The following SLC35D4 variants were observed in gnomAD, a reference collection of about 807,000 sequenced individuals.
SLC35D4 encodes the protein solute carrier family 35 member D4, also known as UDP-N-acetylglucosamine transporter SLC35D4.
the SLC35D4 span, among the ~76,000 whole-genome samples, chr18:23,313,001 C>A: frequency 6.6e-6 from 1 of 151,776 alleles, no homozygotes; most frequent in African/African-American, 2.4e-5. Context: ...ATGGCGGGCG[C>A]CTGCAGTCCC....
chr18:23,308,120 C>A, the SLC35D4 span, among the ~76,000 whole-genome samples: 1 of 152,228 alleles, frequency 6.6e-6, no homozygotes, highest in Non-Finnish European at 1.5e-5. Flanking sequence ...GCTAGCAGGG[C>A]TTGCACAGGA....
At chr18:23,399,776 T>G in the SLC35D4 span, 1 of 805,032 alleles carries the variant, frequency 1.2e-6, no homozygotes, top group South Asian at 1.6e-5. Context: ...CTGGCAGACT[T>G]GTTAAGTGAG....
At chr18:23,244,205 G>A in the SLC35D4 span, among the ~76,000 whole-genome samples, 1 of 151,968 alleles carries the variant, frequency 6.6e-6, no homozygotes, top group Non-Finnish European at 1.5e-5. Context: ...CAAGTGGATG[G>A]AGACACTACT....
the SLC35D4 span, among the ~76,000 whole-genome samples, chr18:23,393,628 A>AT: frequency 6.6e-6 from 1 of 151,642 alleles, no homozygotes; most frequent in Non-Finnish European, 1.5e-5. Flanking sequence ...TTTTATTTTT[A>AT]TTTTTTTGAG....
At chr18:23,244,958 G>A in the SLC35D4 span, among the ~76,000 whole-genome samples, 1 of 152,230 alleles carries the variant, frequency 6.6e-6, no homozygotes, top group Non-Finnish European at 1.5e-5. Flanking sequence ...AGCTTTATCC[G>A]CCCTAGAGCG....
At chr18:23,264,100 G>A in the SLC35D4 span, among the ~76,000 whole-genome samples, 2 of 152,220 alleles carry the variant, frequency 1.3e-5, no homozygotes, top group Non-Finnish European at 2.9e-5. Flanking sequence ...ATTGTTCCCT[G>A]CAACTCTGAA....
At chr18:23,282,081 G>A in the SLC35D4 span, among the ~76,000 whole-genome samples, 10 of 152,338 alleles carry the variant, frequency 6.6e-5, no homozygotes, top group African/African-American at 2.4e-4. Context: ...GCCCAGGTGA[G>A]TGGTGCCTGC....
chr18:23,368,488 G>A, the SLC35D4 span, among the ~76,000 whole-genome samples: 14 of 152,164 alleles, frequency 9.2e-5, no homozygotes, highest in Non-Finnish European at 1.6e-4. Flanking sequence ...GCCACGTCCC[G>A]GAGAAGGGAT....
chr18:23,373,223 G>A, the SLC35D4 span, among the ~76,000 whole-genome samples: 1 of 152,182 alleles, frequency 6.6e-6, no homozygotes, highest in South Asian at 2.1e-4. Flanking sequence ...GCTGAGGCAG[G>A]AGAATTGCTT....
At chr18:23,364,902 C>CAAAAAAAAAAAAAAAAAAAAAAAAAA in the SLC35D4 span, among the ~76,000 whole-genome samples, 1 of 31,874 alleles carries the variant, frequency 3.1e-5, no homozygotes, top group African/African-American at 1.8e-4. Context: ...GACTCTGTCT[C>CAAAAAAAAAAAAAAAAAAAAAAAAAA]AAAAAAAAAA....
the SLC35D4 span, among the ~76,000 whole-genome samples, chr18:23,323,487 A>G: frequency 6.6e-6 from 1 of 152,136 alleles, no homozygotes; most frequent in Non-Finnish European, 1.5e-5. Context: ...TGAGCCCTCT[A>G]CGTGACATCA....
chr18:23,327,767 A>G, the SLC35D4 span, among the ~76,000 whole-genome samples: 1 of 152,196 alleles, frequency 6.6e-6, no homozygotes, highest in Non-Finnish European at 1.5e-5. Flanking sequence ...AGAATTTTAG[A>G]CCAATATCCC....
At chr18:23,379,272 T>C in the SLC35D4 span, among the ~76,000 whole-genome samples, 1,322 of 152,164 alleles carry the variant, frequency 8.7e-3, 13 homozygotes, top group African/African-American at 0.031. Flanking sequence ...TACAGGTGTG[T>C]GCCACCATGC....
the SLC35D4 span, chr18:23,253,849 C>A: frequency 6.2e-7 from 1 of 1,614,222 alleles, no homozygotes; most frequent in Non-Finnish European, 8.5e-7. Context: ...ACAAACAGAA[C>A]CGGAAGCTGT....
chr18:23,421,101 G>A, the SLC35D4 span, among the ~76,000 whole-genome samples: 20 of 151,938 alleles, frequency 1.3e-4, no homozygotes, highest in East Asian at 9.7e-4. Flanking sequence ...AAAATTAGCC[G>A]GGCATGGTGG....
At chr18:23,298,019 C>G in the SLC35D4 span, 1 of 1,613,552 alleles carries the variant, frequency 6.2e-7, no homozygotes, top group East Asian at 2.2e-5. Context: ...AGGAGCTCTT[C>G]CGCTCTGAGA....
At chr18:23,334,412 T>C in the SLC35D4 span, among the ~76,000 whole-genome samples, 2 of 152,172 alleles carry the variant, frequency 1.3e-5, no homozygotes, top group East Asian at 3.9e-4. Context: ...ATCCTCCCCT[T>C]CAACCCTTCT....
At chr18:23,383,315 G>A in the SLC35D4 span, among the ~76,000 whole-genome samples, 8 of 151,756 alleles carry the variant, frequency 5.3e-5, no homozygotes, top group African/African-American at 1.9e-4. Flanking sequence ...CCCTGAAGAG[G>A]CAGACAAAGG....
the SLC35D4 span, chr18:23,356,760 G>T: frequency 9.2e-7 from 1 of 1,082,956 alleles, no homozygotes; most frequent in Non-Finnish European, 1.4e-6. This position sits in a 1 kb window ranked among gnomAD's most constrained non-coding sequence, Gnocchi z 4.1. Flanking sequence ...GTCTTTAGCA[G>T]TCCTGTGCTT....
Sources: allele counts gnomAD v4.1 joint callset (sites outside exome capture counted in the v4.1 genomes callset), GRCh38; gene constraint gnomAD v4.1.1; non-coding constraint Gnocchi (gnomAD v3.1); transcripts MANE v1.5; gene names NCBI Gene and HGNC (gene_info 2026-07-23, HGNC 2026-07-21).